DYM: variants seen among roughly 807,000 people sequenced by gnomAD.
DYM encodes the protein dymeclin.
DYM carries 78 observed loss-of-function variants against 93.1 expected under a neutral mutation model. The observed-to-expected ratio is 0.84, with a 90% CI of 0.70 to 1.01. The LOEUF is 1.01. DYM is among the 50% of genes least tolerant of loss of function. The pLI is 0.00. For missense variants in DYM, 789 were observed against 845.0 expected, an observed-to-expected ratio of 0.93 and a Z score of 0.82; for synonymous variants, 321 against 319.7, an observed-to-expected ratio of 1.00 and a Z score of -0.04.
rs1245541310 is a variant in DYM, at chr18:49,348,284, T to A, written c.495-14431A>T. Among the ~76,000 whole-genome samples the A allele has an allele frequency of 4.6e-5, 7 of 152,186 alleles. No homozygotes were observed. In the South Asian group the frequency reaches 1.0e-3, roughly 23 times the overall value. On this transcript the variant is annotated intron_variant, in intron 6 of 17. Coordinates refer to ENST00000675505, the MANE Select transcript of DYM (RefSeq NM_001353214.3). Reference sequence around the variant, plus strand: ...ACCAAAATTTAGAAATATCAATGCATGCCAACATGGAGATTCTAGGAGTCA... The same window carrying A: ...ACCAAAATTTAGAAATATCAATGCAAGCCAACATGGAGATTCTAGGAGTCA...
chr18:49,200,131 T>C (rs1465416437), intron 14 of DYM, among the ~76,000 whole-genome samples: 1 of 152,008 alleles, frequency 6.6e-6, no homozygotes, highest in Middle Eastern at 3.2e-3. Flanking sequence ...TGGCATTGCA[T>C]TATGTTAGTA....
chr18:49,294,054 A>T (rs1334190002), intron 8 of DYM, among the ~76,000 whole-genome samples: 2 of 152,134 alleles, frequency 1.3e-5, no homozygotes, highest in African/African-American at 4.8e-5. Flanking sequence ...TTTTCCCAAC[A>T]CCACTGATTA....
At chr18:49,351,992 T>C (rs575945954) in intron 6 of DYM, among the ~76,000 whole-genome samples, 6 of 151,922 alleles carry the variant, frequency 3.9e-5, no homozygotes, top group East Asian at 1.9e-4. Flanking sequence ...TCAATGAGGG[T>C]AGTCCCAAGA....
intron 5 of DYM, among the ~76,000 whole-genome samples, chr18:49,363,445 G>A (rs182537237): frequency 6.6e-6 from 1 of 152,314 alleles, no homozygotes; most frequent in African/African-American, 2.4e-5. Context: ...AACACCTGCT[G>A]TTAATAATAC....
At chr18:49,083,249 T>G (rs555033349) in intron 17 of DYM, among the ~76,000 whole-genome samples, 1 of 152,312 alleles carries the variant, frequency 6.6e-6, no homozygotes, top group South Asian at 2.1e-4. Context: ...TGTTGATTCT[T>G]GGTCTATTAA....
chr18:49,176,215 A>G (rs1255061320), intron 14 of DYM, among the ~76,000 whole-genome samples: 1 of 152,198 alleles, frequency 6.6e-6, no homozygotes, highest in African/African-American at 2.4e-5. Flanking sequence ...TGTTACAAAA[A>G]TTATTACTGA....
At chr18:49,247,913 A>G (rs1342202605) in intron 13 of DYM, among the ~76,000 whole-genome samples, 1 of 152,228 alleles carries the variant, frequency 6.6e-6, no homozygotes, top group African/African-American at 2.4e-5. Context: ...TGAAAAACTT[A>G]GCTGCCTTCA....
At chr18:49,344,622 G>A (rs1599568930) in intron 6 of DYM, among the ~76,000 whole-genome samples, 1 of 151,842 alleles carries the variant, frequency 6.6e-6, no homozygotes, top group Admixed American at 6.6e-5. Context: ...TCATTTTTAT[G>A]TAAGTTAGTA....
chr18:49,179,860 A>C (rs532847385), intron 14 of DYM, among the ~76,000 whole-genome samples: 12 of 152,252 alleles, frequency 7.9e-5, no homozygotes, highest in South Asian at 2.1e-4. Context: ...TTTCCACTTA[A>C]GGCAAAAAAA....
intron 2 of DYM, among the ~76,000 whole-genome samples, chr18:49,402,883 C>T (rs529064182): frequency 3.3e-5 from 5 of 152,242 alleles, no homozygotes; most frequent in African/African-American, 1.2e-4. Flanking sequence ...TTTGAAGCTG[C>T]ATATTTAAGT....
chr18:49,167,779 T>C (rs1213900516), intron 14 of DYM, among the ~76,000 whole-genome samples: 3 of 152,194 alleles, frequency 2.0e-5, no homozygotes, highest in Non-Finnish European at 4.4e-5. Flanking sequence ...AATATTCACT[T>C]AGCTGGGATC....
At chr18:49,276,341 G>GT (rs2094846377) in intron 10 of DYM, among the ~76,000 whole-genome samples, 1 of 151,634 alleles carries the variant, frequency 6.6e-6, no homozygotes. Flanking sequence ...TATGATTTTT[G>GT]TTTTTTGCTC....
Position 49,111,234 on chromosome 18 carries a change from C to T in DYM, c.1911+7510G>A, listed in dbSNP as rs182074562. Among the ~76,000 whole-genome samples, 158 of 151,822 alleles carry T rather than the reference C, an allele frequency of 1.0e-3. 1 individual carries two copies. The highest frequency in any genetic ancestry group is 3.3e-3 in the African/African-American group (138 of 41,314). ...ACCCTTTAAAAATGTAAAAAACATA[C>T]GTATTTCACAGGCTGTACAAAGGCA... On this transcript the variant is annotated intron_variant, in intron 16 of 17. Coordinates refer to ENST00000675505, the MANE Select transcript of DYM (RefSeq NM_001353214.3).
intron 8 of DYM, among the ~76,000 whole-genome samples, chr18:49,289,650 A>G (rs2059906498): frequency 6.8e-6 from 1 of 147,384 alleles, no homozygotes. Flanking sequence ...GGTTGAGGCT[A>G]CAGTAAGCTG....
chr18:49,147,709 A>G (rs1391270697), intron 15 of DYM, among the ~76,000 whole-genome samples: 14 of 151,888 alleles, frequency 9.2e-5, no homozygotes, highest in African/African-American at 2.4e-4. Context: ...GCTGGAGAGG[A>G]TGTGGAGAAA....
intron 13 of DYM, among the ~76,000 whole-genome samples, chr18:49,221,062 A>G (rs2093330315): frequency 6.6e-6 from 1 of 152,260 alleles, no homozygotes; most frequent in African/African-American, 2.4e-5. Context: ...TTTACAAGAA[A>G]AAAACAAACA....
At chr18:49,055,088 T>C (rs931822817) in intron 17 of DYM, among the ~76,000 whole-genome samples, 4 of 152,128 alleles carry the variant, frequency 2.6e-5, no homozygotes. Context: ...GGTGGGAAGG[T>C]ACAGACTCTC....
At chr18:49,406,498 T>G (rs2071516188) in intron 2 of DYM, among the ~76,000 whole-genome samples, 1 of 151,966 alleles carries the variant, frequency 6.6e-6, no homozygotes, top group African/African-American at 2.4e-5. Flanking sequence ...GAGACAGAGG[T>G]TGCAGAGAGC....
intron 8 of DYM, among the ~76,000 whole-genome samples, chr18:49,295,464 T>C (rs1211279276): frequency 1.3e-5 from 2 of 152,208 alleles, no homozygotes; most frequent in African/African-American, 4.8e-5. Flanking sequence ...AGGAAGCTAT[T>C]TTCTCCTCAC....
Sources: allele counts gnomAD v4.1 joint callset (sites outside exome capture counted in the v4.1 genomes callset), GRCh38; gene constraint gnomAD v4.1.1; transcripts MANE v1.5; gene names NCBI Gene and HGNC (gene_info 2026-07-23, HGNC 2026-07-21).